ASTN1: variants seen among roughly 807,000 people sequenced by gnomAD.
The protein encoded by ASTN1 is astrotactin-1.
Under a neutral mutation model 140.7 loss-of-function variants are expected in ASTN1, and 41 were observed. The ratio of observed to expected loss-of-function variants is 0.29; its 90% CI spans 0.23 to 0.38. The LOEUF (loss-of-function observed/expected upper bound fraction) is 0.38. Among genes scored for constraint, ASTN1 ranks in the 10% least tolerant of loss-of-function variants. The pLI, the probability that ASTN1 is intolerant of heterozygous loss-of-function variation, is 1.00. For synonymous variants in ASTN1, 640 were observed against 652.2 expected, an observed-to-expected ratio of 0.98 and a Z score of 0.29; for missense variants, 1,479 against 1,678.8, an observed-to-expected ratio of 0.88 and a Z score of 2.08.
Position 176,897,685 on chromosome 1 carries a change from T to TA in ASTN1, c.2672-2856dup, listed in dbSNP as rs1348998528. On this transcript the variant is annotated intron_variant, in intron 16 of 22. Coordinates refer to ENST00000361833, the MANE Select transcript of ASTN1 (RefSeq NM_004319.3). Reference sequence around the variant, plus strand: ...GTACAATTTTTCTTTAACCGGAGAATAAAAAATTAGAGACTAAAACAATTC... The same window carrying TA: ...GTACAATTTTTCTTTAACCGGAGAATAAAAAAATTAGAGACTAAAACAATTC... Among the ~76,000 whole-genome samples the TA allele has an allele frequency of 5.9e-5, 9 of 152,070 alleles. No individual in the cohort carries two copies. In the South Asian group the frequency reaches 1.5e-3, roughly 25 times the overall value.
chr1:176,966,812 G>T (rs1385712798), intron 8 of ASTN1, among the ~76,000 whole-genome samples: 1 of 151,438 alleles, frequency 6.6e-6, no homozygotes, highest in Admixed American at 6.6e-5. Context: ...ATTAGCATAG[G>T]AAGATATAAT....
intron 1 of ASTN1, among the ~76,000 whole-genome samples, chr1:177,148,101 T>G (rs557743713): frequency 6.6e-6 from 1 of 152,266 alleles, no homozygotes; most frequent in African/African-American, 2.4e-5. Context: ...TTACATCACT[T>G]TTTGTTGAAT....
chr1:176,869,102 G>T, intron 21 of ASTN1, 75 bp from the exon 22 acceptor site: 4 of 1,041,880 alleles, frequency 3.8e-6, no homozygotes, highest in East Asian at 2.8e-5. Context: ...CATTATATAT[G>T]ATCTATATCA....
At chr1:176,877,606 A>G (rs1435812830) in intron 20 of ASTN1, among the ~76,000 whole-genome samples, 7 of 152,222 alleles carry the variant, frequency 4.6e-5, no homozygotes, top group Non-Finnish European at 1.0e-4. Flanking sequence ...AAGAAGAGGA[A>G]TTCTAGGTTC....
intron 1 of ASTN1, among the ~76,000 whole-genome samples, chr1:177,128,992 C>T (rs1681809628): frequency 6.6e-6 from 1 of 152,162 alleles, no homozygotes; most frequent in African/African-American, 2.4e-5. Context: ...TGCCAACGAG[C>T]TCCAAGAAAG....
intron 14 of ASTN1, among the ~76,000 whole-genome samples, chr1:176,942,835 TG>T (rs1557977997): frequency 0.026 from 562 of 21,342 alleles, 81 homozygotes; most frequent in Non-Finnish European, 0.039. Flanking sequence ...TATATATATA[TG>T]TATATATATA....
At chr1:176,966,427 A>C (rs1451568265) in intron 8 of ASTN1, among the ~76,000 whole-genome samples, 1 of 152,214 alleles carries the variant, frequency 6.6e-6, no homozygotes, top group South Asian at 2.1e-4. Context: ...TCTGCAGAAC[A>C]AAAATTTCCC....
intron 16 of ASTN1, among the ~76,000 whole-genome samples, chr1:176,921,929 G>A (rs144410946): frequency 6.6e-6 from 1 of 152,252 alleles, no homozygotes; most frequent in African/African-American, 2.4e-5. Context: ...GGAAGAAGAA[G>A]AGAAAAAATA....
chr1:176,961,318 G>T (rs1013525371), intron 9 of ASTN1, among the ~76,000 whole-genome samples: 1 of 152,190 alleles, frequency 6.6e-6, no homozygotes, highest in African/African-American at 2.4e-5. Context: ...AACCTCCTAT[G>T]TGCAGAGCAG....
chr1:176,894,917 A>T (rs1167641990), intron 16 of ASTN1, 87 bp from the exon 17 acceptor site: 81 of 1,538,214 alleles, frequency 5.3e-5, no homozygotes, highest in Non-Finnish European at 6.3e-5. Context: ...GCTGGGGTCC[A>T]ATCTTTGGGA....
intron 1 of ASTN1, among the ~76,000 whole-genome samples, chr1:177,143,469 G>T (rs1045586925): frequency 6.6e-6 from 1 of 152,184 alleles, no homozygotes; most frequent in Non-Finnish European, 1.5e-5. Flanking sequence ...AAGTTGTAAA[G>T]ACCATCTTGG....
At chr1:176,880,132 C>T (rs775361561) in intron 20 of ASTN1, among the ~76,000 whole-genome samples, 3 of 152,168 alleles carry the variant, frequency 2.0e-5, no homozygotes, top group Non-Finnish European at 2.9e-5. Context: ...TGGGCTTCTT[C>T]CACTGCTGCC....
At chr1:177,031,227 G>T (rs1676424646) in intron 3 of ASTN1, among the ~76,000 whole-genome samples, 1 of 152,090 alleles carries the variant, frequency 6.6e-6, no homozygotes, top group Non-Finnish European at 1.5e-5. Flanking sequence ...TATTGATAAG[G>T]TCAGCACTTG....
intron 1 of ASTN1, among the ~76,000 whole-genome samples, chr1:177,090,449 A>G (rs1475907879): frequency 6.6e-6 from 1 of 152,172 alleles, no homozygotes; most frequent in Non-Finnish European, 1.5e-5. Flanking sequence ...AAGATCCATG[A>G]GAGAGCCTTA....
intron 2 of ASTN1, among the ~76,000 whole-genome samples, chr1:177,051,793 G>A (rs1422578063): frequency 6.6e-6 from 1 of 152,156 alleles, no homozygotes; most frequent in African/African-American, 2.4e-5. Context: ...TGCTGGCCAT[G>A]AGCATCACCC....
intron 13 of ASTN1, among the ~76,000 whole-genome samples, chr1:176,945,687 G>T (rs543480360): frequency 2.0e-5 from 3 of 152,300 alleles, no homozygotes; most frequent in Non-Finnish European, 4.4e-5. Flanking sequence ...TCCAGTCCCT[G>T]CCTGGGCAAA....
At chr1:177,050,772 G>A (rs1337788555) in intron 2 of ASTN1, among the ~76,000 whole-genome samples, 5 of 152,112 alleles carry the variant, frequency 3.3e-5, no homozygotes, top group Non-Finnish European at 5.9e-5. Flanking sequence ...TTAAAGATAC[G>A]TAACAGTCCT....
At chr1:177,034,142 C>T (rs1033780873) in intron 2 of ASTN1, among the ~76,000 whole-genome samples, 4 of 151,964 alleles carry the variant, frequency 2.6e-5, no homozygotes, top group African/African-American at 9.7e-5. Flanking sequence ...TTAAAGGGGG[C>T]TTTTCCAGTC....
At chr1:177,066,800 G>A (rs569693570) in intron 1 of ASTN1, among the ~76,000 whole-genome samples, 2 of 152,174 alleles carry the variant, frequency 1.3e-5, no homozygotes, top group Non-Finnish European at 2.9e-5. Flanking sequence ...GCTTAGAGTG[G>A]CTTAGAGCAG....
Sources: gnomAD v4.1 joint callset for allele counts (sites outside exome capture counted in the v4.1 genomes callset) on GRCh38, gnomAD v4.1.1 for gene constraint, MANE v1.5 for transcripts, NCBI Gene and HGNC (gene_info 2026-07-23, HGNC 2026-07-21) for gene names.